The following MYO10 variants were observed in gnomAD, a reference collection of about 807,000 sequenced individuals.
The protein encoded by MYO10 is unconventional myosin-X.
In MYO10, 133 loss-of-function variants were observed where a neutral mutation model predicts 257.3. The ratio of observed to expected loss-of-function variants is 0.52; its 90% CI spans 0.45 to 0.60. The LOEUF is 0.60. MYO10 is among the 20% of genes least tolerant of loss of function. The probability of loss-of-function intolerance (pLI) is 0.00; values close to 1 mark genes in which losing one functional copy is unlikely to be tolerated. For synonymous variants in MYO10, 1,104 were observed against 1,028.6 expected (o/e 1.07, Z -1.40); for missense variants, 2,399 against 2,635.7 (o/e 0.91, Z 1.97).
At chr5:16,812,594 G>A (rs1742474555) in intron 3 of MYO10, among the ~76,000 whole-genome samples, 1 of 152,108 alleles carries the variant, frequency 6.6e-6, no homozygotes, top group South Asian at 2.1e-4. Context: ...CCACTAAATT[G>A]CAAGCTTTGA....
Position 16,666,255 on chromosome 5 carries a change from GA to G in MYO10, c.*436del, listed in dbSNP as rs1334101789. ...TCCCTCACCTTCCCTCAGATTCGGGGAAATCAGGTTGGGAGGTTAGTGCATC... is the reference window on the plus strand; with the variant it reads ...TCCCTCACCTTCCCTCAGATTCGGGGAATCAGGTTGGGAGGTTAGTGCATC... On this transcript the variant is annotated 3_prime_UTR_variant, in exon 41 of 41. Coordinates refer to ENST00000513610, the MANE Select transcript of MYO10 (RefSeq NM_012334.3). 1.9e-5 allele frequency: 3 copies of G among 156,824 alleles called. No homozygotes were observed. The highest frequency in any genetic ancestry group is 6.5e-5 in the Admixed American group (1 of 15,414). 9.7% of individuals were successfully genotyped at this position (156,824 alleles called of 1,614,324 possible). A position where few individuals can be genotyped will look rare whatever the true frequency, so the allele number is the denominator to read the frequency against.
intron 19 of MYO10, among the ~76,000 whole-genome samples, chr5:16,712,989 T>A (rs1207308312): frequency 1.3e-5 from 2 of 152,218 alleles, no homozygotes; most frequent in African/African-American, 2.4e-5. Context: ...AGGCATTTGG[T>A]TACAATGCTT....
chr5:16,838,716 G>GTTC (rs1189541335), intron 2 of MYO10, among the ~76,000 whole-genome samples: 1 of 152,160 alleles, frequency 6.6e-6, no homozygotes, highest in Non-Finnish European at 1.5e-5. Flanking sequence ...CAATTAAAGA[G>GTTC]GAGAACTCAA....
chr5:16,780,557 C>T lies in MYO10; in HGVS notation c.793G>A (p.Ala265Thr), dbSNP rs745359908. 1 of 1,584,974 alleles carries T rather than the reference C, an allele frequency of 6.3e-7. No homozygotes were observed. The highest frequency in any genetic ancestry group is 1.2e-5 in the South Asian group (1 of 86,616). The change falls in exon 8 of 41, where the codon GCA (alanine) becomes ACA (threonine). Residue 265 changes from alanine to threonine, a missense_variant. This residue lies in a region of MYO10 where 337 missense variants were observed against 446.8 expected (regional missense o/e 0.75). Coordinates refer to ENST00000513610, the MANE Select transcript of MYO10 (RefSeq NM_012334.3). Reference sequence around the variant, plus strand: ...TCATGTTCCAGCCCTGCCAGCAGTGCATAAAATATGTGATAATTCCTTTCC... The same window carrying T: ...TCATGTTCCAGCCCTGCCAGCAGTGTATAAAATATGTGATAATTCCTTTCC... ...PGERNYHIFYALLAGLEHEER... is the reference protein window; with the variant it reads ...PGERNYHIFYTLLAGLEHEER...
intron 19 of MYO10, among the ~76,000 whole-genome samples, chr5:16,725,038 G>A (rs1042882325): frequency 7.0e-6 from 1 of 141,962 alleles, no homozygotes; most frequent in Admixed American, 7.1e-5. Flanking sequence ...CTTAGAGACA[G>A]TTAACCTGTC....
intron 2 of MYO10, among the ~76,000 whole-genome samples, chr5:16,823,820 G>T (rs1291340862): frequency 6.6e-6 from 1 of 152,020 alleles, no homozygotes; most frequent in Non-Finnish European, 1.5e-5. Flanking sequence ...TTTCCTGAAG[G>T]AAACAAGGGC....
rs1449917523 is a variant in MYO10, at chr5:16,835,426, G to A, written c.121-17259C>T. ...AGCATGCCTGTAATCCCAGCTACTC[G>A]GGAAGCTGAGGCACAAGAAGCTGAG... On this transcript the variant is annotated intron_variant, in intron 2 of 40. Transcript: ENST00000513610. 2.0e-5 allele frequency among the ~76,000 whole-genome samples: 3 copies of A among 150,656 alleles called. No homozygotes were observed. In the East Asian group the frequency reaches 5.9e-4, roughly 30 times the overall value.
At chr5:16,714,623 T>C (rs1738767965) in intron 19 of MYO10, among the ~76,000 whole-genome samples, 1 of 152,086 alleles carries the variant, frequency 6.6e-6, no homozygotes, top group Non-Finnish European at 1.5e-5. Context: ...ATTGAGACCA[T>C]CCTGGCTAAC....
At chr5:16,857,318 T>C (rs1233673656) in intron 2 of MYO10, among the ~76,000 whole-genome samples, 1 of 152,206 alleles carries the variant, frequency 6.6e-6, no homozygotes, top group Admixed American at 6.5e-5. Context: ...TAAGGATTCC[T>C]TTACGGCAGC....
intron 1 of MYO10, among the ~76,000 whole-genome samples, chr5:16,915,467 G>A (rs565466091): frequency 2.6e-5 from 4 of 152,158 alleles, no homozygotes; most frequent in Non-Finnish European, 5.9e-5. Flanking sequence ...TCAATCAGTC[G>A]TACTTCCTTG....
intron 1 of MYO10, among the ~76,000 whole-genome samples, chr5:16,890,752 A>T (rs1047168082): frequency 6.6e-6 from 1 of 151,774 alleles, no homozygotes; most frequent in African/African-American, 2.4e-5. Flanking sequence ...AGACAGGAGA[A>T]TCACTTGAAC....
intron 2 of MYO10, among the ~76,000 whole-genome samples, chr5:16,839,185 G>A (rs1743397275): frequency 6.6e-6 from 1 of 152,128 alleles, no homozygotes. Context: ...TTGCTCTGAT[G>A]GAGCCAGGCA....
intron 1 of MYO10, among the ~76,000 whole-genome samples, chr5:16,932,881 C>A (rs1352267439): frequency 6.6e-6 from 1 of 152,168 alleles, no homozygotes; most frequent in Non-Finnish European, 1.5e-5. Context: ...CCTGGGCTCA[C>A]CTCAGCCTCC....
Position 16,701,795 on chromosome 5 carries a change from T to C in MYO10, c.2600A>G (p.Lys867Arg). ...RKQQELEALQ[K>R]SQKEAELTRE... Reference sequence around the variant, plus strand: ...GGTCAGTTCAGCTTCCTTCTGGCTCTTCTGCAAGGCTTCGAGTTCTTGCTG... The same window carrying C: ...GGTCAGTTCAGCTTCCTTCTGGCTCCTCTGCAAGGCTTCGAGTTCTTGCTG... The change falls in exon 25 of 41, where the codon AAG becomes AGG. Residue 867 changes from lysine to arginine, a missense_variant. Lys to Arg is a conservative substitution (Grantham distance 26, BLOSUM62 2). Transcript: ENST00000513610. The surrounding 1 kb of genome is among the most constrained non-coding windows in gnomAD (Gnocchi z 8.1). The C allele has an allele frequency of 6.2e-7, 1 of 1,612,066 alleles. No individual in the cohort carries two copies. The highest frequency in any genetic ancestry group is 8.5e-7 in the Non-Finnish European group (1 of 1,179,416).
chr5:16,892,880 T>C (rs2126776217), intron 1 of MYO10, among the ~76,000 whole-genome samples: 1 of 152,042 alleles, frequency 6.6e-6, no homozygotes, highest in Admixed American at 6.6e-5. Flanking sequence ...GCCCAGCTAC[T>C]TTCCAGACAC....
chr5:16,858,641 A>C (rs1744030052), intron 2 of MYO10, among the ~76,000 whole-genome samples: 2 of 152,268 alleles, frequency 1.3e-5, no homozygotes, highest in South Asian at 2.1e-4. Context: ...AAAAGCTGAA[A>C]GTTCAGGCTT....
chr5:16,706,733 T>C (rs1738364722), intron 21 of MYO10, among the ~76,000 whole-genome samples: 1 of 152,186 alleles, frequency 6.6e-6, no homozygotes, highest in Non-Finnish European at 1.5e-5. Context: ...CTTGCTTTAG[T>C]TTTCAGTCCA....
intron 2 of MYO10, among the ~76,000 whole-genome samples, chr5:16,875,181 T>A (rs1258438760): frequency 2.6e-5 from 4 of 152,136 alleles, no homozygotes; most frequent in South Asian, 2.1e-4. Flanking sequence ...TCAAGTGCCA[T>A]GAAAAACCTA....
intron 18 of MYO10, 82 bp from the exon 19 acceptor site, chr5:16,754,990 A>G: frequency 1.2e-6 from 1 of 856,292 alleles, no homozygotes; most frequent in South Asian, 2.4e-5. Flanking sequence ...CTTAGAAACA[A>G]TAATTTAAAA....
Sources: allele counts gnomAD v4.1 joint callset (sites outside exome capture counted in the v4.1 genomes callset), GRCh38; gene constraint gnomAD v4.1.1; regional missense constraint gnomAD v4.1.1; non-coding constraint Gnocchi (gnomAD v3.1); transcripts MANE v1.5; gene names NCBI Gene and HGNC (gene_info 2026-07-23, HGNC 2026-07-21).